The following FHIT variants were observed in gnomAD, a reference collection of about 807,000 sequenced individuals.
The protein encoded by FHIT is fragile histidine triad diadenosine triphosphatase.
In FHIT, 19 loss-of-function variants were observed where a neutral mutation model predicts 17.9. The observed-to-expected ratio is 1.06, with a 90% confidence interval of 0.74 to 1.56. The LOEUF is 1.56. Ranked by LOEUF, FHIT falls within the 40% of genes most tolerant of loss-of-function variation. The pLI, the probability that FHIT is intolerant of heterozygous loss-of-function variation, is 0.00. For synonymous variants in FHIT, 81 were observed against 69.7 expected, an observed-to-expected ratio of 1.16 and a Z score of -0.81; for missense variants, 248 against 189.2, an observed-to-expected ratio of 1.31 and a Z score of -1.82.
chr3:59,928,544 A>C (rs769613986), intron 7 of FHIT, among the ~76,000 whole-genome samples: 4 of 152,256 alleles, frequency 2.6e-5, no homozygotes, highest in Non-Finnish European at 4.4e-5. Flanking sequence ...ACAACTAAGT[A>C]ATAAAAAGAC....
chr3:61,195,690 T>C (rs531910056), intron 2 of FHIT, among the ~76,000 whole-genome samples: 72 of 152,312 alleles, frequency 4.7e-4, no homozygotes, highest in African/African-American at 1.6e-3. Flanking sequence ...GTAAGTAATA[T>C]AATGATTAAG....
chr3:61,006,599 A>G (rs1051641740), intron 3 of FHIT, among the ~76,000 whole-genome samples: 1 of 105,176 alleles, frequency 9.5e-6, no homozygotes, highest in Non-Finnish European at 1.9e-5. Flanking sequence ...GATTTGGAAA[A>G]CATATTCTTT....
chr3:60,550,334 GAA>G (rs2036504236), intron 4 of FHIT, among the ~76,000 whole-genome samples: 3 of 152,104 alleles, frequency 2.0e-5, no homozygotes, highest in Non-Finnish European at 2.9e-5. Flanking sequence ...GATCCTAGAA[GAA>G]GATAACAAAG....
In FHIT at chr3:60,089,925, A is replaced by G. The variant is rs998229592; in HGVS notation, c.104-75773T>C. On this transcript the variant is annotated intron_variant, in intron 5 of 9. Coordinates refer to ENST00000492590, the MANE Select transcript of FHIT (RefSeq NM_002012.4). Reference sequence around the variant, plus strand: ...ATAGAACCCACTTAGAGATGACAGAATAACGAATATATATGAATTAAAATG... The same window carrying G: ...ATAGAACCCACTTAGAGATGACAGAGTAACGAATATATATGAATTAAAATG... 1.8e-4 allele frequency among the ~76,000 whole-genome samples: 27 copies of G among 152,344 alleles called. 1 individual carries two copies. The highest frequency in any genetic ancestry group is 1.7e-3 in the Admixed American group (26 of 15,298).
At chr3:60,075,439 A>G (rs181919674) in intron 5 of FHIT, among the ~76,000 whole-genome samples, 2 of 152,282 alleles carry the variant, frequency 1.3e-5, no homozygotes, top group East Asian at 3.9e-4. Context: ...TCATTTAAAA[A>G]ATAATACAAT....
rs192042281 is a variant in FHIT at position 60,281,763 on chromosome 3, G to C, written c.103+255097C>G. The stretch of plus-strand genomic sequence containing the variant: ...TAACACAGGGAAAAATACTAGATTT[G>C]AGTTTGGCAATTTGTTTATAGATAT... On this transcript the variant is annotated intron_variant, in intron 5 of 9. Transcript: ENST00000492590. Among the ~76,000 whole-genome samples, 20 of 152,174 alleles carry C rather than the reference G, an allele frequency of 1.3e-4. No homozygotes were observed. The East Asian group carries it at 1.7e-3, about 13-fold the overall frequency.
chr3:60,078,902 C>CTT (rs1200506722), intron 5 of FHIT, among the ~76,000 whole-genome samples: 3 of 145,844 alleles, frequency 2.1e-5, no homozygotes, highest in African/African-American at 7.5e-5. Context: ...ATGCTTGCAA[C>CTT]TTTTTTTTTT....
At chr3:60,852,924 C>A (rs775821554) in intron 3 of FHIT, among the ~76,000 whole-genome samples, 1 of 152,050 alleles carries the variant, frequency 6.6e-6, no homozygotes, top group Non-Finnish European at 1.5e-5. Flanking sequence ...GAATGGACAG[C>A]TTATACATAT....
chr3:60,097,884 G>T (rs1187128289), intron 5 of FHIT, among the ~76,000 whole-genome samples: 6 of 117,224 alleles, frequency 5.1e-5, no homozygotes, highest in East Asian at 2.6e-4. Context: ...CCCACAACAG[G>T]CCCCGGTGTG....
At chr3:61,137,305 A>G (rs1223825513) in intron 2 of FHIT, among the ~76,000 whole-genome samples, 1 of 103,104 alleles carries the variant, frequency 9.7e-6, no homozygotes, top group Non-Finnish European at 1.8e-5. Flanking sequence ...TCTTCTCACT[A>G]TTTGTAATGC....
At chr3:60,182,310 G>A (rs1309398580) in intron 5 of FHIT, among the ~76,000 whole-genome samples, 1 of 152,170 alleles carries the variant, frequency 6.6e-6, no homozygotes, top group African/African-American at 2.4e-5. Flanking sequence ...CAACAAGGCA[G>A]CATCAACTGT....
chr3:60,521,732 T>A (rs2035374967), intron 5 of FHIT, among the ~76,000 whole-genome samples: 1 of 152,206 alleles, frequency 6.6e-6, no homozygotes, highest in Non-Finnish European at 1.5e-5. Flanking sequence ...TGACCTAAGT[T>A]TCCCCATATG....
chr3:61,057,841 C>G (rs12107530), intron 2 of FHIT, among the ~76,000 whole-genome samples: 21,699 of 152,142 alleles, frequency 0.14, 2,030 homozygotes, highest in African/African-American at 0.27. Context: ...CACAACACAA[C>G]ACTGTTCTAT....
chr3:59,892,029 T>G (rs190330886), intron 8 of FHIT, among the ~76,000 whole-genome samples: 1 of 152,244 alleles, frequency 6.6e-6, no homozygotes, highest in East Asian at 1.9e-4. Flanking sequence ...CGACAATGAT[T>G]TGATGTAAAA....
At chr3:60,958,227 T>C (rs974748006) in intron 3 of FHIT, among the ~76,000 whole-genome samples, 5 of 152,208 alleles carry the variant, frequency 3.3e-5, no homozygotes, top group African/African-American at 7.2e-5. Context: ...TATACCTGTA[T>C]TGATATAGAT....
chr3:60,079,883 G>T (rs1404982679), intron 5 of FHIT, among the ~76,000 whole-genome samples: 1 of 152,008 alleles, frequency 6.6e-6, no homozygotes, highest in Non-Finnish European at 1.5e-5. Context: ...ATAATGCCCA[G>T]AATGTCAAAT....
At chr3:59,911,008 T>G (rs1410004048) in intron 8 of FHIT, among the ~76,000 whole-genome samples, 1 of 152,102 alleles carries the variant, frequency 6.6e-6, no homozygotes, top group Non-Finnish European at 1.5e-5. Context: ...TAACAACAGG[T>G]ATACTACAGT....
At chr3:60,783,047 A>G (rs1323359851) in intron 4 of FHIT, among the ~76,000 whole-genome samples, 2 of 152,038 alleles carry the variant, frequency 1.3e-5, no homozygotes, top group Non-Finnish European at 2.9e-5. Context: ...TAGTGGCACA[A>G]TGTCAGCTCA....
chr3:60,071,983 C>G (rs968934986), intron 5 of FHIT, among the ~76,000 whole-genome samples: 1 of 152,188 alleles, frequency 6.6e-6, no homozygotes, highest in African/African-American at 2.4e-5. Flanking sequence ...TCCTCAGCCA[C>G]GTGGAACTGT....
Sources: allele counts gnomAD v4.1 joint callset (sites outside exome capture counted in the v4.1 genomes callset), GRCh38; gene constraint gnomAD v4.1.1; transcripts MANE v1.5; gene names NCBI Gene and HGNC (gene_info 2026-07-23, HGNC 2026-07-21).